Variants in FNDC3B observed in about 807,000 individuals in gnomAD.
The protein encoded by FNDC3B is fibronectin type III domain containing 3B.
In FNDC3B, 12 loss-of-function variants were observed where a neutral mutation model predicts 151.5. The ratio of observed to expected loss-of-function variants is 0.08; its 90% confidence interval spans 0.05 to 0.13. The LOEUF (loss-of-function observed/expected upper bound fraction) is 0.13. Ranked by LOEUF, FNDC3B falls within the 10% of genes least tolerant of loss-of-function variation. The pLI is 1.00. For synonymous variants in FNDC3B, 528 were observed against 549.0 expected (o/e 0.96, Z 0.54); for missense variants, 1,214 against 1,505.3 (o/e 0.81, Z 3.20).
At chr3:172,152,519 C>T (rs994229472) in intron 3 of FNDC3B, among the ~76,000 whole-genome samples, 1 of 151,652 alleles carries the variant, frequency 6.6e-6, no homozygotes, top group Non-Finnish European at 1.5e-5. Context: ...TCCCTGTCTT[C>T]ACCTCCTGTT....
At chr3:172,149,433 A>G (rs1452345979) in intron 3 of FNDC3B, among the ~76,000 whole-genome samples, 4 of 152,196 alleles carry the variant, frequency 2.6e-5, no homozygotes, top group Non-Finnish European at 5.9e-5. Flanking sequence ...CCTTAAAATA[A>G]GAGGATTAGA....
intron 3 of FNDC3B, among the ~76,000 whole-genome samples, chr3:172,219,183 T>A (rs748220580): frequency 6.6e-6 from 1 of 152,210 alleles, no homozygotes; most frequent in African/African-American, 2.4e-5. Context: ...GATAGTAATC[T>A]TTTTAAATCT....
At chr3:172,287,006 A>G (rs891782305) in intron 7 of FNDC3B, among the ~76,000 whole-genome samples, 12 of 152,156 alleles carry the variant, frequency 7.9e-5, no homozygotes, top group African/African-American at 2.9e-4. Flanking sequence ...CAGAGATAGA[A>G]TACGGCACTA....
chr3:172,135,667 T>C (rs1033829880), intron 3 of FNDC3B, among the ~76,000 whole-genome samples: 7 of 152,086 alleles, frequency 4.6e-5, no homozygotes, highest in African/African-American at 1.4e-4. Context: ...ATCCAGGTGC[T>C]TTACTAGGGT....
At chr3:172,261,723 G>A (rs945583649) in intron 6 of FNDC3B, among the ~76,000 whole-genome samples, 2 of 152,172 alleles carry the variant, frequency 1.3e-5, no homozygotes, top group Non-Finnish European at 2.9e-5. Context: ...TGCCATTACT[G>A]TTGTACCCAC....
At chr3:172,122,862 T>G (rs565711591) in intron 2 of FNDC3B, among the ~76,000 whole-genome samples, 4 of 152,334 alleles carry the variant, frequency 2.6e-5, no homozygotes, top group African/African-American at 9.6e-5. Context: ...GAGGTAATTG[T>G]GGTCTAGTTT....
chr3:172,371,029 A>G (rs902119231), intron 23 of FNDC3B, among the ~76,000 whole-genome samples: 3 of 152,194 alleles, frequency 2.0e-5, no homozygotes, highest in Non-Finnish European at 4.4e-5. Context: ...GGACAAATGT[A>G]TGATGACGTG....
intron 23 of FNDC3B, among the ~76,000 whole-genome samples, chr3:172,372,161 A>G (rs142937166): frequency 2.0e-5 from 3 of 152,276 alleles, no homozygotes; most frequent in East Asian, 1.9e-4. Flanking sequence ...CAGAGCTTAT[A>G]TCATCACCCA....
chr3:172,210,330 A>G (rs956665477), intron 3 of FNDC3B, among the ~76,000 whole-genome samples: 1 of 152,032 alleles, frequency 6.6e-6, no homozygotes, highest in Non-Finnish European at 1.5e-5. Context: ...AGAGTTCTGC[A>G]TTTTTCCTTA....
chr3:172,311,384 G>GT (rs1227676011), intron 11 of FNDC3B, among the ~76,000 whole-genome samples: 2 of 152,152 alleles, frequency 1.3e-5, no homozygotes, highest in Non-Finnish European at 2.9e-5. Flanking sequence ...GGGTTAGAAT[G>GT]TCCTGTATCG....
In FNDC3B at chr3:172,330,648, G is replaced by A. The variant is rs768922841; in HGVS notation, c.1487G>A (p.Ser496Asn). ...AGITWVTLQW[S>N]KPEGCSPEEV... ...ATCACATGGGTCACGTTGCAGTGGAGTAAGCCAGAAGGCTGTTCACCCGAG... is the reference window on the plus strand; with the variant it reads ...ATCACATGGGTCACGTTGCAGTGGAATAAGCCAGAAGGCTGTTCACCCGAG... The change falls in exon 13 of 26, where the codon AGT (serine) becomes AAT (asparagine). Residue 496 changes from serine (S) to asparagine (N), a missense_variant. By Grantham distance (46) the Ser-to-Asn change is conservative. Transcript: ENST00000415807. 2.5e-6 allele frequency: 4 copies of A among 1,614,092 alleles called. No individual in the cohort carries two copies. In the African/African-American group the frequency reaches 5.3e-5, roughly 22 times the overall value.
At chr3:172,265,443 A>G (rs1328721478) in intron 6 of FNDC3B, among the ~76,000 whole-genome samples, 2 of 152,176 alleles carry the variant, frequency 1.3e-5, no homozygotes, top group Non-Finnish European at 2.9e-5. Context: ...CAGTAGATCA[A>G]TAATCTGTTT....
At chr3:172,394,106 T>TAAAAAAAA (rs60559371) in intron 25 of FNDC3B, among the ~76,000 whole-genome samples, 605 of 16,666 alleles carry the variant, frequency 0.036, 121 homozygotes, top group African/African-American at 0.058. Flanking sequence ...AGACTCCTTC[T>TAAAAAAAA]AAAAAAAAAA....
chr3:172,310,813 T>C lies in FNDC3B; in HGVS notation c.1201-15T>C, dbSNP rs1390149732. The C allele has an allele frequency of 1.9e-6, 3 of 1,598,576 alleles. No individual in the cohort carries two copies. Among genetic ancestry groups the C allele is most frequent in the Admixed American group, 1.7e-5 (1 of 59,984 alleles). On this transcript the variant is annotated splice_polypyrimidine_tract_variant and intron_variant, in intron 10 of 25. Transcript: ENST00000415807. ...TGAACAACTTTCTCTAATCTCATGTTACTATTTTTTTTAGGCACCAATTGA... is the reference window on the plus strand; with the variant it reads ...TGAACAACTTTCTCTAATCTCATGTCACTATTTTTTTTAGGCACCAATTGA...
chr3:172,295,354 C>A lies in FNDC3B; in HGVS notation c.850-9C>A. On this transcript the variant is annotated splice_polypyrimidine_tract_variant and intron_variant, in intron 7 of 25. Transcript: ENST00000415807. ...TTGAATACTTTTGTCCCATGTTTTT[C>A]TTCCTCAGGTTTCTAATATTCAGGC... 6.3e-7 allele frequency: 1 copy of A among 1,596,510 alleles called. No individual in the cohort carries two copies. Among genetic ancestry groups the A allele is most frequent in the South Asian group, 1.1e-5 (1 of 87,238 alleles).
intron 1 of FNDC3B, among the ~76,000 whole-genome samples, chr3:172,091,625 AT>A (rs1718829128): frequency 6.6e-6 from 1 of 152,080 alleles, no homozygotes. Flanking sequence ...GAGCATCTTA[AT>A]TTTAGCTTTA....
chr3:172,380,339 G>A lies in FNDC3B; in HGVS notation c.3176-627G>A, dbSNP rs545723582. ...ACTAATATAATTTAGCTTTAAATGAGAATGAGGAGTTCAGGAGGTGAAAAA... is the reference window on the plus strand; with the variant it reads ...ACTAATATAATTTAGCTTTAAATGAAAATGAGGAGTTCAGGAGGTGAAAAA... On this transcript the variant is annotated intron_variant, in intron 24 of 25. Transcript: ENST00000415807. Among the ~76,000 whole-genome samples, 3 of 151,974 alleles carry A rather than the reference G, an allele frequency of 2.0e-5. No individual in the cohort carries two copies. In the South Asian group the frequency reaches 6.2e-4, roughly 32 times the overall value.
chr3:172,298,935 A>G (rs16845307), intron 9 of FNDC3B, 148 bp downstream of exon 9: 116,818 of 501,810 alleles, frequency 0.23, 14,668 homozygotes, highest in South Asian at 0.38. Flanking sequence ...TTGACTCTCA[A>G]GAGCATCGTA....
intron 8 of FNDC3B, among the ~76,000 whole-genome samples, chr3:172,295,928 A>G (rs1042469861): frequency 3.3e-5 from 5 of 152,080 alleles, no homozygotes; most frequent in African/African-American, 7.2e-5. Flanking sequence ...GTTTTACCCT[A>G]TTTCTTACCT....
Sources: allele counts gnomAD v4.1 joint callset (sites outside exome capture counted in the v4.1 genomes callset), GRCh38; gene constraint gnomAD v4.1.1; transcripts MANE v1.5; gene names NCBI Gene and HGNC (gene_info 2026-07-23, HGNC 2026-07-21).